The following MICAL3 variants were observed in gnomAD, a reference collection of about 807,000 sequenced individuals.
MICAL3 encodes the protein microtubule associated monooxygenase, calponin and LIM domain containing 3, also known as [F-actin]-monooxygenase MICAL3.
MICAL3 carries 62 observed loss-of-function variants against 207.4 expected under a neutral mutation model. That is an observed-to-expected ratio of 0.30 (90% CI 0.24 to 0.37). The LOEUF (loss-of-function observed/expected upper bound fraction) is 0.37. Among genes scored for constraint, MICAL3 ranks in the 10% least tolerant of loss-of-function variants. The pLI, the probability that MICAL3 is intolerant of heterozygous loss-of-function variation, is 1.00. For synonymous variants in MICAL3, 1,077 were observed against 1,069.3 expected (o/e 1.01, Z -0.14); for missense variants, 2,368 against 2,635.6 (o/e 0.90, Z 2.22).
intron 8 of MICAL3, 56 bp from the exon 9 acceptor site, chr22:17,896,417 A>G: frequency 5.6e-6 from 6 of 1,075,436 alleles, no homozygotes; most frequent in Non-Finnish European, 8.3e-6. Context: ...TCAAAATGGG[A>G]AAAATAAACT....
chr22:17,876,026 A>G (rs1928296206), intron 16 of MICAL3, among the ~76,000 whole-genome samples: 2 of 152,200 alleles, frequency 1.3e-5, no homozygotes, highest in Admixed American at 1.3e-4. Context: ...TCTAGAGTGA[A>G]GCTCGCTCCT....
At chr22:17,871,759 C>T (rs1180107449) in intron 17 of MICAL3, 78 bp downstream of exon 17, 37 of 1,383,328 alleles carry the variant, frequency 2.7e-5, no homozygotes, top group Non-Finnish European at 1.6e-5. Flanking sequence ...CAGGAAGGGG[C>T]CCAAAGGCGC....
intron 1 of MICAL3, among the ~76,000 whole-genome samples, chr22:17,923,270 G>T (rs1045537703): frequency 6.6e-6 from 1 of 152,162 alleles, no homozygotes; most frequent in Non-Finnish European, 1.5e-5. Context: ...ACCCTACCCT[G>T]TCCGGAGCAT....
At chr22:17,852,846 G>A (rs1161406234) in intron 19 of MICAL3, among the ~76,000 whole-genome samples, 2 of 152,156 alleles carry the variant, frequency 1.3e-5, no homozygotes, top group African/African-American at 2.4e-5. Flanking sequence ...AGGCTGAGGC[G>A]GGAGGATCAC....
intron 1 of MICAL3, among the ~76,000 whole-genome samples, chr22:17,952,555 A>C (rs545004014): frequency 6.6e-6 from 1 of 152,334 alleles, no homozygotes; most frequent in South Asian, 2.1e-4. Context: ...CACACTATAA[A>C]ACACAAAGCA....
At chr22:17,914,567 A>C (rs1022071247) in intron 1 of MICAL3, among the ~76,000 whole-genome samples, 3 of 152,108 alleles carry the variant, frequency 2.0e-5, no homozygotes, top group Non-Finnish European at 4.4e-5. Context: ...CCAGTCCCTA[A>C]CCACCCGAGA....
At chr22:17,877,036 G>GGAGGTTATGGAGGTTAT (rs1569109721) in intron 16 of MICAL3, among the ~76,000 whole-genome samples, 1 of 52,056 alleles carries the variant, frequency 1.9e-5, no homozygotes, top group Non-Finnish European at 4.0e-5. Context: ...ATGGAGGTTA[G>GGAGGTTATGGAGGTTAT]GGAGGTTATG....
At chr22:17,798,769 G>A (rs2145961638) in intron 29 of MICAL3, among the ~76,000 whole-genome samples, 2 of 149,238 alleles carry the variant, frequency 1.3e-5, no homozygotes, top group Non-Finnish European at 1.5e-5. Flanking sequence ...CGCCTCCCGG[G>A]TTCACGTCAT....
intron 1 of MICAL3, among the ~76,000 whole-genome samples, chr22:17,929,208 C>T (rs758498630): frequency 9.2e-5 from 14 of 151,720 alleles, no homozygotes; most frequent in Non-Finnish European, 1.8e-4. Context: ...AACAATTCCC[C>T]CTACCTCAGC....
At chr22:17,970,356 G>A (rs1410386891) in intron 1 of MICAL3, among the ~76,000 whole-genome samples, 1 of 152,114 alleles carries the variant, frequency 6.6e-6, no homozygotes, top group Non-Finnish European at 1.5e-5. Flanking sequence ...CTGCCCCAGG[G>A]CCCACTGGTC....
intron 19 of MICAL3, among the ~76,000 whole-genome samples, chr22:17,852,039 C>T (rs374626290): frequency 6.6e-6 from 1 of 152,182 alleles, no homozygotes; most frequent in East Asian, 1.9e-4. Context: ...CCCTGACACT[C>T]TCAGTCCGGA....
At chr22:18,011,895 A>AAAT (rs1330775324) in intron 1 of MICAL3, among the ~76,000 whole-genome samples, 1 of 150,320 alleles carries the variant, frequency 6.7e-6, no homozygotes, top group Non-Finnish European at 1.5e-5. Context: ...CTGTCTCAAA[A>AAAT]AATAATAATA....
At chr22:17,882,331 A>G (rs1569113730) in intron 16 of MICAL3, among the ~76,000 whole-genome samples, 1 of 152,182 alleles carries the variant, frequency 6.6e-6, no homozygotes, top group Non-Finnish European at 1.5e-5. Flanking sequence ...CAACTCAGCT[A>G]TCACTGTCCT....
chr22:17,962,972 G>A (rs1246436782), intron 1 of MICAL3, among the ~76,000 whole-genome samples: 1 of 151,890 alleles, frequency 6.6e-6, no homozygotes, highest in African/African-American at 2.4e-5. Flanking sequence ...AGGCAGTCAC[G>A]AACTCCTACC....
chr22:17,817,505 C>G lies in MICAL3; in HGVS notation c.5156G>C (p.Arg1719Pro). Residue 1719 changes from arginine (R) to proline (P), a missense_variant, in exon 26 of 32, where the codon CGG becomes CCG. Coordinates refer to ENST00000441493, the MANE Select transcript of MICAL3 (RefSeq NM_015241.3). ...KKEKKSKGEG[R>P]PPEKPSSNLL... ...GTTGGAGCTGGGCTTCTCCGGGGGC[C>G]GGCCCTCGCCTTTGGACTTCTTCTC... 1 of 1,613,640 alleles carries G rather than the reference C, an allele frequency of 6.2e-7. No individual in the cohort carries two copies. Among genetic ancestry groups the G allele is most frequent in the Non-Finnish European group, 8.5e-7 (1 of 1,179,838 alleles).
At chr22:18,003,504 G>T (rs185104797) in intron 1 of MICAL3, among the ~76,000 whole-genome samples, 35 of 152,114 alleles carry the variant, frequency 2.3e-4, no homozygotes, top group Admixed American at 2.3e-3. Context: ...GAAAGTGCTC[G>T]TCCCTAACTC....
At chr22:17,856,781 C>T (rs921116041) in intron 19 of MICAL3, among the ~76,000 whole-genome samples, 2 of 151,960 alleles carry the variant, frequency 1.3e-5, no homozygotes, top group African/African-American at 4.8e-5. Flanking sequence ...GCCACCGCGC[C>T]CAGCTAATTT....
intron 9 of MICAL3, 68 bp downstream of exon 9, chr22:17,896,178 C>T: frequency 1.2e-6 from 1 of 834,348 alleles, no homozygotes; most frequent in Non-Finnish European, 2.0e-6. Context: ...TTGCACTCTG[C>T]CTGAAGAGTA....
chr22:17,790,554 C>T lies in MICAL3; in HGVS notation c.*178G>A, dbSNP rs2061815371. 3.2e-6 allele frequency: 2 copies of T among 617,626 alleles called. No individual in the cohort carries two copies. The allele number at this position is 617,626 out of a possible 1,614,324, so 38.3% of individuals were successfully genotyped here. On this transcript the variant is annotated 3_prime_UTR_variant, in exon 32 of 32. Coordinates refer to ENST00000441493, the MANE Select transcript of MICAL3 (RefSeq NM_015241.3). ...GAGGTGGAGCCGTCTCAGATAACCA[C>T]TGTCACCTGGGGCTCCCCACTGCAC...
Sources: gnomAD v4.1 joint callset for allele counts (sites outside exome capture counted in the v4.1 genomes callset) on GRCh38, gnomAD v4.1.1 for gene constraint, MANE v1.5 for transcripts, NCBI Gene and HGNC (gene_info 2026-07-23, HGNC 2026-07-21) for gene names.